The following MKLN1 variants were observed in gnomAD, a reference collection of about 807,000 sequenced individuals.
The protein encoded by MKLN1 is muskelin 1, also known as muskelin.
In MKLN1, 18 loss-of-function variants were observed where a neutral mutation model predicts 99.0. The ratio of observed to expected loss-of-function variants is 0.18; its 90% CI spans 0.13 to 0.27. MKLN1 has a LOEUF of 0.27. Among genes scored for constraint, MKLN1 ranks in the 10% least tolerant of loss-of-function variants. The probability of loss-of-function intolerance (pLI) is 1.00; values close to 1 mark genes in which losing one functional copy is unlikely to be tolerated. For missense variants in MKLN1, 621 were observed against 875.9 expected (o/e 0.71, Z 3.67); for synonymous variants, 288 against 293.2 (o/e 0.98, Z 0.18).
intron 1 of MKLN1, among the ~76,000 whole-genome samples, chr7:131,363,521 CCT>C (rs1179309040): frequency 6.6e-6 from 1 of 151,970 alleles, no homozygotes; most frequent in Non-Finnish European, 1.5e-5. Context: ...GTAGAATCTG[CCT>C]CTCTCAGTTT....
At chr7:131,354,481 T>C (rs1035668900) in intron 1 of MKLN1, among the ~76,000 whole-genome samples, 8 of 151,216 alleles carry the variant, frequency 5.3e-5, no homozygotes, top group Non-Finnish European at 1.2e-4. Flanking sequence ...CCTGCAACGT[T>C]GCTGAACTCA....
intron 15 of MKLN1, among the ~76,000 whole-genome samples, chr7:131,466,902 T>TACAC (rs1232724298): frequency 4.8e-5 from 7 of 146,902 alleles, no homozygotes; most frequent in Admixed American, 2.2e-4. Flanking sequence ...TATATATACA[T>TACAC]ATACACACAC....
chr7:131,262,604 G>A (rs1186481781), intron 3 of MKLN1, among the ~76,000 whole-genome samples: 1 of 151,234 alleles, frequency 6.6e-6, no homozygotes, highest in Non-Finnish European at 1.5e-5. Flanking sequence ...AGGCTGGAAT[G>A]CAGTGGTGCG....
intron 3 of MKLN1, among the ~76,000 whole-genome samples, chr7:131,305,667 C>T (rs1178113695): frequency 6.6e-6 from 1 of 152,186 alleles, no homozygotes; most frequent in African/African-American, 2.4e-5. Context: ...CTACATAGCA[C>T]AGACTAAAAT....
chr7:131,463,197 T>C lies in MKLN1; in HGVS notation c.1526-20T>C, dbSNP rs768453775. ...ATCTAATGTGAATATTTTCATCTTA[T>C]TTTTTTCTTTAATTTGTAGTTCCAA... is the stretch of plus-strand genomic sequence containing the variant. On this transcript the variant is annotated intron_variant, in intron 12 of 17. Transcript: ENST00000352689. 6 of 1,573,654 alleles carry C rather than the reference T, an allele frequency of 3.8e-6. No individual in the cohort carries two copies. Among genetic ancestry groups the C allele is most frequent in the Middle Eastern group, 1.7e-4 (1 of 5,898 alleles).
At chr7:131,342,429 G>GC in intron 1 of MKLN1, among the ~76,000 whole-genome samples, 1 of 152,222 alleles carries the variant, frequency 6.6e-6, no homozygotes, top group African/African-American at 2.4e-5. Context: ...ATAATACTTT[G>GC]CTAAGCAGTT....
At chr7:131,418,083 A>C (rs1374171812) in intron 8 of MKLN1, among the ~76,000 whole-genome samples, 3 of 152,184 alleles carry the variant, frequency 2.0e-5, no homozygotes, top group Admixed American at 6.5e-5. Context: ...CAAGAAATAG[A>C]GATGGCCGGG....
intron 3 of MKLN1, among the ~76,000 whole-genome samples, chr7:131,245,141 T>C (rs1797466404): frequency 6.6e-6 from 1 of 152,180 alleles, no homozygotes; most frequent in South Asian, 2.1e-4. Flanking sequence ...CAAATCACTG[T>C]TATTAATTTG....
At chr7:131,440,050 G>A (rs1483354123) in intron 10 of MKLN1, among the ~76,000 whole-genome samples, 3 of 152,110 alleles carry the variant, frequency 2.0e-5, no homozygotes, top group East Asian at 3.9e-4. Context: ...GGGAGACCTG[G>A]GAAAGCAAAG....
intron 4 of MKLN1, among the ~76,000 whole-genome samples, chr7:131,392,659 C>T (rs907919942): frequency 6.8e-6 from 1 of 147,626 alleles, no homozygotes; most frequent in African/African-American, 2.5e-5. Flanking sequence ...GGCTGGAGTG[C>T]AATGGCACAA....
rs1795453796 is a variant in MKLN1 at position 131,429,268 on chromosome 7, A to G, written c.960+123A>G. On this transcript the variant is annotated intron_variant, in intron 9 of 17. Coordinates refer to ENST00000352689, the MANE Select transcript of MKLN1 (RefSeq NM_013255.5). ...CAGTAGTAGCAATAGAATTTGTGGTAAACAAGTTTTTTTTAAGTACTCTTG... is the reference window on the plus strand; with the variant it reads ...CAGTAGTAGCAATAGAATTTGTGGTGAACAAGTTTTTTTTAAGTACTCTTG... The G allele has an allele frequency of 1.7e-5, 10 of 603,818 alleles. No individual in the cohort carries two copies. The South Asian group carries it at 3.2e-4, about 19-fold the overall frequency. The allele number at this position is 603,818 out of a possible 1,614,324, so 37.4% of individuals were successfully genotyped here.
In MKLN1 at chr7:131,487,903, G is replaced by C. The variant is rs1019462720; in HGVS notation, c.*175G>C. On this transcript the variant is annotated 3_prime_UTR_variant, in exon 18 of 18. Coordinates refer to ENST00000352689, the MANE Select transcript of MKLN1 (RefSeq NM_013255.5). The surrounding 1 kb of genome is among the most constrained non-coding windows in gnomAD (Gnocchi z 4.7). ...TTCCTTCATGCCTGACCTCAACCCCGCTCTCCTCATCCTATTCCTAAATTA... is the reference window on the plus strand; with the variant it reads ...TTCCTTCATGCCTGACCTCAACCCCCCTCTCCTCATCCTATTCCTAAATTA... 1.9e-6 allele frequency: 1 copy of C among 524,024 alleles called. No homozygotes were observed. The highest frequency in any genetic ancestry group is 2.0e-5 in the African/African-American group (1 of 50,318). The allele number at this position is 524,024 out of a possible 1,614,324, so 32.5% of individuals were successfully genotyped here.
intron 2 of MKLN1, among the ~76,000 whole-genome samples, chr7:131,172,350 C>G (rs1796228121): frequency 6.6e-6 from 1 of 151,484 alleles, no homozygotes; most frequent in African/African-American, 2.4e-5. Flanking sequence ...GAGTCTCGCT[C>G]TGTCACCCAG....
rs1454641940 is a variant in MKLN1, at chr7:131,374,960, C to G, written c.99-464C>G. On this transcript the variant is annotated intron_variant, in intron 1 of 17. Coordinates refer to ENST00000352689, the MANE Select transcript of MKLN1 (RefSeq NM_013255.5). ...AAGTCTTTTTTTTTTTTTTTAAAGACAGAGTCTTGCTATGTTGCCCAAGCT... is the reference window on the plus strand; with the variant it reads ...AAGTCTTTTTTTTTTTTTTTAAAGAGAGAGTCTTGCTATGTTGCCCAAGCT... 2.1e-5 allele frequency among the ~76,000 whole-genome samples: 3 copies of G among 142,128 alleles called. No homozygotes were observed. In the Admixed American group the frequency reaches 2.1e-4, roughly 10 times the overall value. 93.2% of individuals were successfully genotyped at this position (142,128 alleles called of 152,430 possible). A position where few individuals can be genotyped will look rare whatever the true frequency, so the allele number is the denominator to read the frequency against.
chr7:131,448,362 A>G (rs1412011678), intron 12 of MKLN1, among the ~76,000 whole-genome samples: 3 of 152,258 alleles, frequency 2.0e-5, no homozygotes, highest in Admixed American at 6.5e-5. Context: ...AGTAATGTAC[A>G]GTATCGACAA....
At chr7:131,122,125 T>C (rs546020771) in intron 1 of MKLN1, among the ~76,000 whole-genome samples, 1 of 152,382 alleles carries the variant, frequency 6.6e-6, no homozygotes, top group East Asian at 1.9e-4. Context: ...TCCCTGGGGC[T>C]TGCCCTGTGA....
intron 1 of MKLN1, among the ~76,000 whole-genome samples, chr7:131,111,046 G>A (rs1033907448): frequency 7.2e-5 from 11 of 152,218 alleles, no homozygotes; most frequent in African/African-American, 2.4e-4. Flanking sequence ...CTTCACTGGA[G>A]TGTAGTTCTC....
At position 131,216,055 on chromosome 7, in the gene MKLN1, G is replaced by A. The variant is rs1472208321; in HGVS notation, c.-179+13081G>A. ...CTCTTTTCAGACCTGGAACCGAACC[G>A]GCCCATGTTTTTAGCCCCATTTATT... On this transcript the variant is annotated intron_variant, in intron 3 of 7. Coordinates refer to the MKLN1 transcript ENST00000416992. Among the ~76,000 whole-genome samples, 8 of 152,152 alleles carry A rather than the reference G, an allele frequency of 5.3e-5. No individual in the cohort carries two copies. The South Asian group carries it at 1.2e-3, about 24-fold the overall frequency.
At chr7:131,389,761 C>T (rs1238912552) in intron 4 of MKLN1, among the ~76,000 whole-genome samples, 4 of 151,656 alleles carry the variant, frequency 2.6e-5, no homozygotes, top group African/African-American at 7.3e-5. Context: ...TGGTGGTAGG[C>T]GCCTGTAGTC....
Sources: allele counts gnomAD v4.1 joint callset (sites outside exome capture counted in the v4.1 genomes callset), GRCh38; gene constraint gnomAD v4.1.1; non-coding constraint Gnocchi (gnomAD v3.1); transcripts MANE v1.5; gene names NCBI Gene and HGNC (gene_info 2026-07-23, HGNC 2026-07-21).